The following SPPL3 variants were observed in gnomAD, a reference collection of about 807,000 sequenced individuals.
SPPL3 encodes the protein signal peptide peptidase like 3.
In SPPL3, 5 loss-of-function variants were observed where a neutral mutation model predicts 42.4. The ratio of observed to expected loss-of-function variants is 0.12; its 90% CI spans 0.06 to 0.25. SPPL3 has a LOEUF of 0.25. SPPL3 is among the 10% of genes least tolerant of loss of function. The pLI, the probability that SPPL3 is intolerant of heterozygous loss-of-function variation, is 1.00. For synonymous variants in SPPL3, 195 were observed against 181.8 expected (o/e 1.07, Z -0.58); for missense variants, 235 against 489.0 (o/e 0.48, Z 4.90).
At chr12:120,865,611 T>C (rs1872734092) in intron 1 of SPPL3, among the ~76,000 whole-genome samples, 1 of 152,240 alleles carries the variant, frequency 6.6e-6, no homozygotes, top group Non-Finnish European at 1.5e-5. Flanking sequence ...TATATTATAC[T>C]ACTATAATCC....
rs185831707 is a variant in SPPL3, at chr12:120,792,598, G to A, written c.102-1041C>T. Among the ~76,000 whole-genome samples the A allele has an allele frequency of 6.0e-3, 908 of 151,342 alleles. 11 individuals are homozygous for A. Among genetic ancestry groups the A allele is most frequent in the African/African-American group, 0.02 (824 of 41,160 alleles). On this transcript the variant is annotated intron_variant, in intron 2 of 10. Coordinates refer to ENST00000353487, the MANE Select transcript of SPPL3 (RefSeq NM_139015.5). ...GCCGGTAGTTCCAGCTACTTGGGAG[G>A]CTGAGGCAGGATAATTGCTTGACCC...
At chr12:120,864,503 C>A (rs1872704710) in intron 1 of SPPL3, among the ~76,000 whole-genome samples, 1 of 152,080 alleles carries the variant, frequency 6.6e-6, no homozygotes, top group African/African-American at 2.4e-5. Context: ...CCATTGCACT[C>A]CAGCCCAGAC....
In SPPL3 at chr12:120,903,898, C is replaced by T; in HGVS notation, c.-31G>A. ...TGCCTCTCGTGGGCTCCGCTGCAGG[C>T]TGTGGCCGGGCCCGGCGGCGGCGGG... On this transcript the variant is annotated 5_prime_UTR_variant, in exon 1 of 11. Transcript: ENST00000353487. 7.3e-6 allele frequency: 10 copies of T among 1,368,096 alleles called. No individual in the cohort carries two copies. Among genetic ancestry groups the T allele is most frequent in the Non-Finnish European group, 9.4e-6 (10 of 1,061,660 alleles). The allele number at this position is 1,368,096 out of a possible 1,614,324, so 84.7% of individuals were successfully genotyped here. A position where few individuals can be genotyped will look rare whatever the true frequency, so the allele number is the denominator to read the frequency against.
chr12:120,890,121 G>A (rs1873588706), intron 1 of SPPL3, among the ~76,000 whole-genome samples: 1 of 152,060 alleles, frequency 6.6e-6, no homozygotes, highest in East Asian at 1.9e-4. Flanking sequence ...GGTGGTGCAT[G>A]CCTGTAATCC....
At chr12:120,868,534 T>C (rs901736309) in intron 1 of SPPL3, among the ~76,000 whole-genome samples, 1 of 152,150 alleles carries the variant, frequency 6.6e-6, no homozygotes, top group East Asian at 1.9e-4. Flanking sequence ...GTCACTAGAG[T>C]GCAGTGGCAC....
intron 1 of SPPL3, among the ~76,000 whole-genome samples, chr12:120,872,436 A>C (rs1051208069): frequency 1.3e-5 from 2 of 152,232 alleles, no homozygotes; most frequent in African/African-American, 4.8e-5. Context: ...CCAAACTTAA[A>C]GCCTGGAGAC....
At chr12:120,883,317 A>G (rs1873350868) in intron 1 of SPPL3, among the ~76,000 whole-genome samples, 1 of 152,148 alleles carries the variant, frequency 6.6e-6, no homozygotes, top group Non-Finnish European at 1.5e-5. Flanking sequence ...AAAAACAAAC[A>G]AACAAACAAA....
chr12:120,835,677 T>G (rs569744201), intron 1 of SPPL3: 1 of 152,330 alleles, frequency 6.6e-6, no homozygotes. Flanking sequence ...GTAAAAAGCT[T>G]AATGTAAAGA....
At position 120,782,190 on chromosome 12, in the gene SPPL3, T is replaced by C. The variant is rs190906614; in HGVS notation, c.502+465A>G. ...AAGCTTCCATTTATATAAAAAAGCA[T>C]AGTCTGCACAAAAACTTGTACATTA... On this transcript the variant is annotated intron_variant, in intron 6 of 10. Coordinates refer to ENST00000353487, the MANE Select transcript of SPPL3 (RefSeq NM_139015.5). Among the ~76,000 whole-genome samples, 147 of 152,322 alleles carry C rather than the reference T, an allele frequency of 9.7e-4. 1 individual carries two copies. The highest frequency in any genetic ancestry group is 9.6e-5 in the African/African-American group (4 of 41,566).
chr12:120,791,469 T>C lies in SPPL3; in HGVS notation c.190A>G (p.Ser64Gly). Residue 64 changes from serine to glycine, a missense_variant and splice_region_variant, in exon 3 of 11, where the codon AGC (serine) becomes GGC (glycine). Transcript: ENST00000353487. ...AGTTAATTGACATAAAATATCTTAC[T>C]ATTATTGGTGCTGTTGCCATTGAAA... ...GSFNGNSTNN[S>G]IQTIDSTQAL... 2.5e-6 allele frequency: 4 copies of C among 1,586,568 alleles called. No homozygotes were observed. Among genetic ancestry groups the C allele is most frequent in the Non-Finnish European group, 3.4e-6 (4 of 1,168,242 alleles).
In SPPL3 at chr12:120,769,388, A is replaced by G. The variant is rs767272596; in HGVS notation, c.503-329T>C. On this transcript the variant is annotated intron_variant, in intron 6 of 10. Transcript: ENST00000353487. Reference sequence around the variant, plus strand: ...ATGTGTTGTCCTTGCTCCCTGCTTTAAAGTGAACTCACACCCTAGATAGCA... The same window carrying G: ...ATGTGTTGTCCTTGCTCCCTGCTTTGAAGTGAACTCACACCCTAGATAGCA... The G allele has an allele frequency of 5.5e-5, 12 of 218,954 alleles. No individual in the cohort carries two copies. In the East Asian group the frequency reaches 6.4e-4, roughly 12 times the overall value. The allele number at this position is 218,954 out of a possible 1,614,324, so 13.6% of individuals were successfully genotyped here.
intron 1 of SPPL3, among the ~76,000 whole-genome samples, chr12:120,879,511 C>T (rs568430749): frequency 6.6e-6 from 1 of 152,208 alleles, no homozygotes; most frequent in South Asian, 2.1e-4. Context: ...AGCAAGTAAG[C>T]GTCTTAATAT....
In SPPL3 at chr12:120,784,595, TGAAAGA is replaced by T; in HGVS notation, c.191-8_191-3del. 6.2e-7 allele frequency: 1 copy of T among 1,602,158 alleles called. No individual in the cohort carries two copies. Among genetic ancestry groups the T allele is most frequent in the Non-Finnish European group, 8.5e-7 (1 of 1,175,978 alleles). The stretch of plus-strand genomic sequence containing the variant: ...GGGTAGAGTCAATTGTTTGGATGCC[TGAAAGA>T]GAAAAACAGACAGATTAATAACTTA... On this transcript the variant is annotated splice_region_variant and splice_polypyrimidine_tract_variant and intron_variant, in intron 3 of 10. Transcript: ENST00000353487.
At chr12:120,789,283 A>AT (rs1161274027) in intron 3 of SPPL3, among the ~76,000 whole-genome samples, 8 of 151,588 alleles carry the variant, frequency 5.3e-5, no homozygotes, top group African/African-American at 1.9e-4. Context: ...GTGAAACCCC[A>AT]TCTCTACTAA....
chr12:120,855,365 A>C (rs1872416460), intron 1 of SPPL3, among the ~76,000 whole-genome samples: 1 of 152,164 alleles, frequency 6.6e-6, no homozygotes, highest in Non-Finnish European at 1.5e-5. Flanking sequence ...ATGACCTCAA[A>C]GCTTAATTTT....
chr12:120,837,218 T>G (rs368315955), intron 1 of SPPL3, among the ~76,000 whole-genome samples: 7 of 152,242 alleles, frequency 4.6e-5, no homozygotes, highest in Admixed American at 2.6e-4. Context: ...TGGTTTTATT[T>G]TTGCCTAGTT....
intron 1 of SPPL3, among the ~76,000 whole-genome samples, chr12:120,836,530 G>A (rs1008395730): frequency 1.4e-5 from 2 of 147,016 alleles, no homozygotes; most frequent in Non-Finnish European, 3.0e-5. Flanking sequence ...GACACCACAC[G>A]GGACAAAGAC....
chr12:120,904,284 G>T lies in SPPL3; in HGVS notation c.-417C>A. Reference sequence around the variant, plus strand: ...GCGGCGGCCGGGGGACATGGCCGGCGGGCGGAGGCGGCGGCGACTGAGGGG... The same window carrying T: ...GCGGCGGCCGGGGGACATGGCCGGCTGGCGGAGGCGGCGGCGACTGAGGGG... On this transcript the variant is annotated 5_prime_UTR_variant, in exon 1 of 11. Transcript: ENST00000353487. The T allele has an allele frequency of 6.0e-6, 1 of 166,476 alleles. No individual in the cohort carries two copies. Among genetic ancestry groups the T allele is most frequent in the Non-Finnish European group, 1.3e-5 (1 of 78,730 alleles). 10.3% of individuals were successfully genotyped at this position (166,476 alleles called of 1,614,324 possible). A position where few individuals can be genotyped will look rare whatever the true frequency, so the allele number is the denominator to read the frequency against.
At chr12:120,892,626 T>G (rs1873676077) in intron 1 of SPPL3, among the ~76,000 whole-genome samples, 1 of 152,096 alleles carries the variant, frequency 6.6e-6, no homozygotes, top group Non-Finnish European at 1.5e-5. Flanking sequence ...AAAGTCAGAT[T>G]GTAGAGGGTA....
Sources: gnomAD v4.1 joint callset for allele counts (sites outside exome capture counted in the v4.1 genomes callset) on GRCh38, gnomAD v4.1.1 for gene constraint, MANE v1.5 for transcripts, NCBI Gene and HGNC (gene_info 2026-07-23, HGNC 2026-07-21) for gene names.